The following KRT14 variants were observed in gnomAD, a reference collection of about 807,000 sequenced individuals.
KRT14 encodes keratin, type I cytoskeletal 14.
KRT14 carries 30 observed loss-of-function variants against 44.5 expected under a neutral mutation model. The observed-to-expected ratio is 0.67, with a 90% CI of 0.50 to 0.92. The LOEUF (loss-of-function observed/expected upper bound fraction) is 0.92. KRT14 is among the 40% of genes least tolerant of loss of function. The probability of loss-of-function intolerance (pLI) is 0.00; values close to 1 mark genes in which losing one functional copy is unlikely to be tolerated. For synonymous variants in KRT14, 241 were observed against 257.6 expected, an observed-to-expected ratio of 0.94 and a Z score of 0.62; for missense variants, 535 against 640.6, an observed-to-expected ratio of 0.84 and a Z score of 1.78.
At chr17:41,583,986 G>C in intron 3 of KRT14, 65 bp from the exon 4 acceptor site, 1 of 1,554,790 alleles carries the variant, frequency 6.4e-7, no homozygotes, top group African/African-American at 1.4e-5. Flanking sequence ...TGTTCCTTAG[G>C]CCTGAATACT....
rs1193927151 is a variant in KRT14, at chr17:41,583,909, G to T, written c.778C>A (p.Leu260Met). 1 of 1,613,840 alleles carries T rather than the reference G, an allele frequency of 6.2e-7. No individual in the cohort carries two copies. The highest frequency in any genetic ancestry group is 1.1e-5 in the South Asian group (1 of 91,072). ...KKNHEEEMNA[L>M]RGQVGGDVNV... The stretch of plus-strand genomic sequence containing the variant: ...ACATCTCCACCCACCTGGCCTCTCA[G>T]GGCATTCATCTCCTGCACAGCCAGG... The change falls in exon 4 of 8, where the codon CTG (leucine) becomes ATG (methionine). Residue 260 changes from leucine (L) to methionine (M), a missense_variant. By Grantham distance (15) the Leu-to-Met change is conservative (BLOSUM62 2). Transcript: ENST00000167586.
rs1368191913 is a variant in KRT14, at chr17:41,586,405, C to G, written c.430G>C (p.Glu144Gln). The G allele has an allele frequency of 6.2e-7, 1 of 1,614,058 alleles. No individual in the cohort carries two copies. The highest frequency in any genetic ancestry group is 1.7e-5 in the Admixed American group (1 of 60,026). ...RALEEANADL[E>Q]VKIRDWYQRQ... Reference sequence around the variant, plus strand: ...TGGTACCAGTCACGGATCTTCACTTCCAGGTCGGCGTTGGCCTCCTCCAGA... The same window carrying G: ...TGGTACCAGTCACGGATCTTCACTTGCAGGTCGGCGTTGGCCTCCTCCAGA... Residue 144 changes from glutamate (E) to glutamine (Q), a missense_variant, in exon 1 of 8, where the codon GAA becomes CAA. By Grantham distance (29) the Glu-to-Gln change is conservative (BLOSUM62 2). Transcript: ENST00000167586.
At chr17:41,582,947 G>C in intron 7 of KRT14, 147 bp downstream of exon 7, 1 of 803,492 alleles carries the variant, frequency 1.2e-6, no homozygotes, top group South Asian at 1.6e-5. Flanking sequence ...TTAGAAAATA[G>C]CTTCTTCCAC....
rs201223300 is a variant in KRT14 at position 41,583,081 on chromosome 17, A to G, written c.1321+13T>C. 85 of 1,612,218 alleles carry G rather than the reference A, an allele frequency of 5.3e-5. No individual in the cohort carries two copies. In the African/African-American group the frequency reaches 1.1e-3, roughly 20 times the overall value. On this transcript the variant is annotated intron_variant, in intron 7 of 7. Coordinates refer to ENST00000167586, the MANE Select transcript of KRT14 (RefSeq NM_000526.5). The stretch of plus-strand genomic sequence containing the variant: ...GGCCTGGAGCCCAGGCCTGCAGAGG[A>G]GGAGGGTCTTACCATCTCTGGATGA...
intron 1 of KRT14, 52 bp downstream of exon 1, chr17:41,586,258 G>A (rs1401760025): frequency 2.5e-6 from 4 of 1,607,376 alleles, no homozygotes; most frequent in Non-Finnish European, 3.4e-6. Context: ...GGCATGAATT[G>A]TTCCCAGAAG....
rs1333490980 is a variant in KRT14 at position 41,583,693 on chromosome 17, G to C, written c.928-17C>G. Reference sequence around the variant, plus strand: ...CTCCTCTGTCTGCAAAAAAGAGAATGCCATTCACACCAGAAGGCCCCAGAA... The same window carrying C: ...CTCCTCTGTCTGCAAAAAAGAGAATCCCATTCACACCAGAAGGCCCCAGAA... On this transcript the variant is annotated splice_polypyrimidine_tract_variant and intron_variant, in intron 4 of 7. Transcript: ENST00000167586. 1.9e-6 allele frequency: 3 copies of C among 1,614,126 alleles called. No homozygotes were observed. The highest frequency in any genetic ancestry group is 2.5e-6 in the Non-Finnish European group (3 of 1,180,054).
chr17:41,582,382 G>T lies in KRT14; in HGVS notation c.*53C>A. 1 of 1,364,046 alleles carries T rather than the reference G, an allele frequency of 7.3e-7. No homozygotes were observed. The highest frequency in any genetic ancestry group is 1.0e-6 in the Non-Finnish European group (1 of 977,652). 84.5% of individuals were successfully genotyped at this position (1,364,046 alleles called of 1,614,324 possible). On this transcript the variant is annotated 3_prime_UTR_variant, in exon 8 of 8. Transcript: ENST00000167586. The stretch of plus-strand genomic sequence containing the variant: ...TGGGCAGGAGAGGGGATCTTCCAGT[G>T]GGATCTGTGTCCACACGGGGGGCCT...
rs1452477500 is a variant in KRT14, at chr17:41,583,279, C to A, written c.1230G>T (p.Gln410His). The A allele has an allele frequency of 3.1e-6, 5 of 1,613,614 alleles. No individual in the cohort carries two copies. The highest frequency in any genetic ancestry group is 3.4e-6 in the Non-Finnish European group (4 of 1,179,994). ...GCAGGCGGCGGTAGGTGGCGATCTC[C>A]TGCTCCAGCCGCGTCTTCACGTCCA... The part of the protein sequence containing the change: ...ILLDVKTRLE[Q>H]EIATYRRLLE... The change falls in exon 6 of 8, where the codon CAG becomes CAT. Residue 410 changes from glutamine (Q) to histidine (H), a missense_variant. Coordinates refer to ENST00000167586, the MANE Select transcript of KRT14 (RefSeq NM_000526.5).
chr17:41,583,855 C>A lies in KRT14; in HGVS notation c.832G>T (p.Val278Leu). Residue 278 changes from valine (V) to leucine (L), a missense_variant, in exon 4 of 8, where the codon GTG becomes TTG. Transcript: ENST00000167586. ...TCGTTCAGAATGCGGCTCAGGTCCA[C>A]GCCAGGTGCAGCGTCCATCTCCACA... ...VNVEMDAAPG[V>L]DLSRILNEMR... 6.2e-7 allele frequency: 1 copy of A among 1,614,140 alleles called. No individual in the cohort carries two copies.
chr17:41,583,402 C>G lies in KRT14; in HGVS notation c.1107G>C (p.Gln369His), dbSNP rs1907406204. ...CAATCATCTCCTGGATCTGGGCCAG[C>G]TGCATGCAGTAGCGACCTTTGGTCT... is the stretch of plus-strand genomic sequence containing the variant. The part of the protein sequence containing the change: ...LEETKGRYCM[Q>H]LAQIQEMIGS... Residue 369 changes from glutamine (Q) to histidine (H), a missense_variant, in exon 6 of 8, where the codon CAG (glutamine) becomes CAC (histidine). Physicochemically the swap from Gln to His is conservative, Grantham distance 24. Coordinates refer to ENST00000167586, the MANE Select transcript of KRT14 (RefSeq NM_000526.5). 1 of 1,613,870 alleles carries G rather than the reference C, an allele frequency of 6.2e-7. No homozygotes were observed. The highest frequency in any genetic ancestry group is 1.1e-5 in the South Asian group (1 of 91,068).
intron 7 of KRT14, 78 bp downstream of exon 7, chr17:41,583,016 C>G: frequency 1.5e-6 from 2 of 1,363,672 alleles, no homozygotes; most frequent in Non-Finnish European, 2.1e-6. Flanking sequence ...CCTCACGGAG[C>G]CCCTAGCCAA....
chr17:41,584,937 G>A, intron 2 of KRT14, 38 bp downstream of exon 2: 1 of 1,529,056 alleles, frequency 6.5e-7, no homozygotes, highest in Middle Eastern at 1.7e-4. Flanking sequence ...CCCTACTCTG[G>A]GGACACTGGA....
Position 41,586,294 on chromosome 17 carries a change from C to A in KRT14, c.525+16G>T. 1 of 1,611,970 alleles carries A rather than the reference C, an allele frequency of 6.2e-7. No individual in the cohort carries two copies. Among genetic ancestry groups the A allele is most frequent in the Non-Finnish European group, 8.5e-7 (1 of 1,179,800 alleles). ...GAGCTAGCTGGAATGGTGCCTTCTG[C>A]TGCCCATTCACCCACCTTGTTCCTC... On this transcript the variant is annotated intron_variant, in intron 1 of 7. Transcript: ENST00000167586.
In KRT14 at chr17:41,583,842, C is replaced by A. The variant is rs375620492; in HGVS notation, c.845G>T (p.Arg282Leu). 19 of 1,614,016 alleles carry A rather than the reference C, an allele frequency of 1.2e-5. No individual in the cohort carries two copies. The highest frequency in any genetic ancestry group is 2.2e-5 in the South Asian group (2 of 91,090). ...MDAAPGVDLS[R>L]ILNEMRDQYE... is the part of the protein sequence containing the mutation. ...CTGGTCACGCATCTCGTTCAGAATG[C>A]GGCTCAGGTCCACGCCAGGTGCAGC... Residue 282 changes from arginine to leucine, a missense_variant, in exon 4 of 8, where the codon CGC (arginine) becomes CTC (leucine). Transcript: ENST00000167586.
chr17:41,585,215 A>C (rs1195649809), intron 1 of KRT14, among the ~76,000 whole-genome samples, 158 bp from the exon 2 acceptor site: 1 of 152,208 alleles, frequency 6.6e-6, no homozygotes, highest in Non-Finnish European at 1.5e-5. Context: ...CAGATGCCCC[A>C]GGCCTGTCCT....
rs1907385655 is a variant in KRT14, at chr17:41,583,083, G to C, written c.1321+11C>G. ...CCTGGAGCCCAGGCCTGCAGAGGAG[G>C]AGGGTCTTACCATCTCTGGATGACT... On this transcript the variant is annotated intron_variant, in intron 7 of 7. Coordinates refer to ENST00000167586, the MANE Select transcript of KRT14 (RefSeq NM_000526.5). 1 of 1,612,502 alleles carries C rather than the reference G, an allele frequency of 6.2e-7. No individual in the cohort carries two copies. The highest frequency in any genetic ancestry group is 8.5e-7 in the Non-Finnish European group (1 of 1,179,772).
intron 7 of KRT14, 41 bp downstream of exon 7, chr17:41,583,053 G>A (rs778970872): frequency 2.4e-5 from 39 of 1,595,576 alleles, no homozygotes; most frequent in Non-Finnish European, 2.9e-5. Context: ...GGGTACAGAG[G>A]GTGGCCTGGA....
At position 41,586,791 on chromosome 17, in the gene KRT14, T is replaced by C. The variant is rs1318809672; in HGVS notation, c.44A>G (p.Lys15Arg). The change falls in exon 1 of 8, where the codon AAG (lysine) becomes AGG (arginine). Residue 15 changes from lysine (K) to arginine (R), a missense_variant. Transcript: ENST00000167586. The stretch of plus-strand genomic sequence containing the variant: ...GCCGCCCCCGATGCCGCAGGAGCCC[T>C]TCATGGAGCTGGAGGAGGTGAACTG... ...SRQFTSSSSM[K>R]GSCGIGGGIG... The C allele has an allele frequency of 4.4e-6, 7 of 1,591,804 alleles. No individual in the cohort carries two copies. The highest frequency in any genetic ancestry group is 6.0e-6 in the Non-Finnish European group (7 of 1,171,136).
In KRT14 at chr17:41,583,470, A is replaced by G; in HGVS notation, c.1054-15T>C. Reference sequence around the variant, plus strand: ...AGGGATGCTTTCTGTGAGGGAGGGAAAGGGAATCAACGATTAGTGAGTGTG... The same window carrying G: ...AGGGATGCTTTCTGTGAGGGAGGGAGAGGGAATCAACGATTAGTGAGTGTG... On this transcript the variant is annotated splice_polypyrimidine_tract_variant and intron_variant, in intron 5 of 7. Coordinates refer to ENST00000167586, the MANE Select transcript of KRT14 (RefSeq NM_000526.5). 1 of 1,614,146 alleles carries G rather than the reference A, an allele frequency of 6.2e-7. No homozygotes were observed. The highest frequency in any genetic ancestry group is 8.5e-7 in the Non-Finnish European group (1 of 1,180,024).
Sources: gnomAD v4.1 joint callset for allele counts (sites outside exome capture counted in the v4.1 genomes callset) on GRCh38, gnomAD v4.1.1 for gene constraint, MANE v1.5 for transcripts, NCBI Gene and HGNC (gene_info 2026-07-23, HGNC 2026-07-21) for gene names.